The following MNAT1 variants were observed in gnomAD, a reference collection of about 807,000 sequenced individuals.
MNAT1 encodes the protein CDK-activating kinase assembly factor MAT1.
A neutral mutation model predicts 42.0 loss-of-function variants in MNAT1; 43 were observed. The observed-to-expected ratio is 1.02, with a 90% confidence interval of 0.80 to 1.32. The LOEUF is 1.32. MNAT1 is among the 40% of genes most tolerant of loss of function. The pLI, the probability that MNAT1 is intolerant of heterozygous loss-of-function variation, is 0.00. For missense variants in MNAT1, 306 were observed against 350.4 expected, an observed-to-expected ratio of 0.87 and a Z score of 1.01; for synonymous variants, 118 against 120.0, an observed-to-expected ratio of 0.98 and a Z score of 0.11.
intron 7 of MNAT1, among the ~76,000 whole-genome samples, chr14:60,898,703 A>T (rs2035013633): frequency 2.0e-5 from 3 of 152,134 alleles, no homozygotes; most frequent in African/African-American, 7.2e-5. Context: ...CCCAATCAAC[A>T]TCTTGTCTCC....
chr14:60,909,731 G>A (rs2035303602), intron 7 of MNAT1, among the ~76,000 whole-genome samples: 1 of 152,186 alleles, frequency 6.6e-6, no homozygotes, highest in Non-Finnish European at 1.5e-5. Flanking sequence ...CTGTAGCCTT[G>A]TAATATAGTT....
intron 7 of MNAT1, among the ~76,000 whole-genome samples, chr14:60,891,974 T>C (rs1174923856): frequency 6.6e-6 from 1 of 152,198 alleles, no homozygotes; most frequent in Admixed American, 6.5e-5. Flanking sequence ...CTTCCATTAT[T>C]GGTTGCTAAC....
intron 7 of MNAT1, among the ~76,000 whole-genome samples, chr14:60,932,663 T>C (rs548818297): frequency 1.3e-4 from 20 of 152,064 alleles, no homozygotes; most frequent in Non-Finnish European, 2.2e-4. Context: ...GGTAAGAATT[T>C]TATTCTGCAC....
At chr14:60,942,367 C>G (rs1351750311) in intron 7 of MNAT1, among the ~76,000 whole-genome samples, 1 of 151,992 alleles carries the variant, frequency 6.6e-6, no homozygotes, top group African/African-American at 2.4e-5. Context: ...GGATAGTAAG[C>G]TTTACTTACA....
At chr14:60,745,212 A>G (rs1365064288) in intron 1 of MNAT1, among the ~76,000 whole-genome samples, 4 of 152,156 alleles carry the variant, frequency 2.6e-5, no homozygotes, top group Non-Finnish European at 5.9e-5. Flanking sequence ...TGAGTTTCCC[A>G]TCTCTCAGGG....
chr14:60,826,094 ATAGG>A (rs1345842776), intron 6 of MNAT1, among the ~76,000 whole-genome samples: 3 of 152,268 alleles, frequency 2.0e-5, no homozygotes, highest in African/African-American at 7.2e-5. Context: ...ATATATTCAC[ATAGG>A]TAGGGTTCAG....
chr14:60,911,989 A>T (rs2035380185), intron 7 of MNAT1, among the ~76,000 whole-genome samples: 1 of 152,068 alleles, frequency 6.6e-6, no homozygotes, highest in Non-Finnish European at 1.5e-5. Context: ...GACTTGCTTT[A>T]TGAATCTGGG....
In MNAT1 at chr14:60,796,304, G is replaced by T. The variant is rs920406439; in HGVS notation, c.177G>T (p.Arg59Ser). ...CGTPLRKSNFRVQLFEDPTVD... is the reference protein window; with the variant it reads ...CGTPLRKSNFSVQLFEDPTVD... ...CTCCACTCAGAAAGAGCAACTTCAG[G>T]GTACAACTCTTTGAAGATCCCACTG... Residue 59 changes from arginine to serine, a missense_variant, in exon 2 of 8, where the codon AGG (arginine) becomes AGT (serine). By Grantham distance (110) the Arg-to-Ser change is moderately radical. Transcript: ENST00000261245. The T allele has an allele frequency of 6.2e-7, 1 of 1,613,512 alleles. No homozygotes were observed. Among genetic ancestry groups the T allele is most frequent in the African/African-American group, 1.3e-5 (1 of 74,850 alleles).
chr14:60,776,069 A>G (rs77192990), intron 1 of MNAT1, among the ~76,000 whole-genome samples: 2,084 of 152,346 alleles, frequency 0.014, 45 homozygotes, highest in African/African-American at 0.048. Context: ...CTTCAACCAT[A>G]GATGGATCAG....
chr14:60,848,417 C>A (rs1256960398), intron 6 of MNAT1, among the ~76,000 whole-genome samples: 2 of 152,118 alleles, frequency 1.3e-5, no homozygotes, highest in African/African-American at 4.8e-5. Flanking sequence ...TGGGCTTTAG[C>A]ATGAACTGGT....
intron 7 of MNAT1, among the ~76,000 whole-genome samples, chr14:60,900,162 T>G (rs2035045391): frequency 1.3e-5 from 2 of 152,042 alleles, no homozygotes; most frequent in Admixed American, 1.3e-4. Flanking sequence ...GGGTTCTGTG[T>G]GTTCAAGTGA....
At chr14:60,905,089 G>T (rs1375076333) in intron 7 of MNAT1, among the ~76,000 whole-genome samples, 1 of 144,154 alleles carries the variant, frequency 6.9e-6, no homozygotes. Context: ...TCATTTGGTT[G>T]TCGGTTAGCA....
intron 6 of MNAT1, among the ~76,000 whole-genome samples, chr14:60,819,690 CA>C (rs2032822393): frequency 6.6e-6 from 1 of 152,104 alleles, no homozygotes; most frequent in Admixed American, 6.6e-5. Context: ...AAAGTTGTGG[CA>C]GCACTACAAA....
chr14:60,905,005 C>T (rs4151331), intron 7 of MNAT1, among the ~76,000 whole-genome samples: 22 of 15,592 alleles, frequency 1.4e-3, no homozygotes, highest in African/African-American at 5.2e-3. Context: ...GACGGAGTCT[C>T]GCTCTGTTGC....
At chr14:60,918,967 A>G (rs976086159) in intron 7 of MNAT1, among the ~76,000 whole-genome samples, 8 of 152,072 alleles carry the variant, frequency 5.3e-5, no homozygotes, top group African/African-American at 1.7e-4. Flanking sequence ...GTTACATGTT[A>G]GGTGAAACTA....
chr14:60,930,673 G>C (rs1293341023), intron 7 of MNAT1, among the ~76,000 whole-genome samples: 1 of 152,156 alleles, frequency 6.6e-6, no homozygotes, highest in Non-Finnish European at 1.5e-5. Flanking sequence ...CTAGTAGCAT[G>C]AACAGAACAT....
At chr14:60,958,549 A>G (rs2036525766) in intron 7 of MNAT1, among the ~76,000 whole-genome samples, 1 of 148,084 alleles carries the variant, frequency 6.8e-6, no homozygotes, top group African/African-American at 2.5e-5. Context: ...CTTGATGTTT[A>G]TATCTTTCCC....
intron 1 of MNAT1, among the ~76,000 whole-genome samples, chr14:60,768,232 A>G (rs2030913911): frequency 6.6e-6 from 1 of 152,192 alleles, no homozygotes; most frequent in South Asian, 2.1e-4. Context: ...GGCTAACTTC[A>G]TTCCTGCTTG....
intron 3 of MNAT1, among the ~76,000 whole-genome samples, chr14:60,804,653 G>T (rs1053412227): frequency 6.6e-5 from 10 of 152,048 alleles, no homozygotes; most frequent in Non-Finnish European, 1.5e-4. Context: ...TACCTCCCAA[G>T]TAGCTAGGAC....
Sources: allele counts gnomAD v4.1 joint callset (sites outside exome capture counted in the v4.1 genomes callset), GRCh38; gene constraint gnomAD v4.1.1; transcripts MANE v1.5; gene names NCBI Gene and HGNC (gene_info 2026-07-23, HGNC 2026-07-21).